The following ZEB1 variants were observed in gnomAD, a reference collection of about 807,000 sequenced individuals.
ZEB1 encodes zinc finger E-box-binding homeobox 1.
Under a neutral mutation model 84.9 loss-of-function variants are expected in ZEB1, and 21 were observed. The observed-to-expected ratio is 0.25, with a 90% confidence interval of 0.18 to 0.36. The LOEUF (loss-of-function observed/expected upper bound fraction) is 0.36. ZEB1 is among the 10% of genes least tolerant of loss of function. The pLI is 1.00. For missense variants in ZEB1, 1,104 were observed against 1,330.2 expected (o/e 0.83, Z 2.65); for synonymous variants, 420 against 471.1 (o/e 0.89, Z 1.41).
chr10:31,370,626 C>G (rs1417538612), intron 1 of ZEB1, among the ~76,000 whole-genome samples: 1 of 152,132 alleles, frequency 6.6e-6, no homozygotes, highest in Non-Finnish European at 1.5e-5. Context: ...TGACTTTTTG[C>G]AATTTCCGGA....
rs565466253 is a variant in ZEB1 at position 31,521,729 on chromosome 10, C to A, written c.2397C>A (p.Asn799Lys). The A allele has an allele frequency of 6.2e-7, 1 of 1,614,140 alleles. No individual in the cohort carries two copies. Among genetic ancestry groups the A allele is most frequent in the East Asian group, 2.2e-5 (1 of 44,864 alleles). Residue 799 changes from asparagine to lysine, a missense_variant, in exon 7 of 9, where the codon AAC (asparagine) becomes AAA (lysine). This residue lies in a region of ZEB1 where 531 missense variants were observed against 575.2 expected (regional missense o/e 0.92). Coordinates refer to ENST00000424869, the MANE Select transcript of ZEB1 (RefSeq NM_001174096.2). ...TAAATGTAATCCCACCAAGTGCCAA[C>A]CCCATAAATATCGCTATACCTACAG... is the stretch of plus-strand genomic sequence containing the variant. ...PVVNVIPPSA[N>K]PINIAIPTVT...
In ZEB1 at chr10:31,446,678, G is replaced by T. The variant is rs887663633; in HGVS notation, c.59-14359G>T. Among the ~76,000 whole-genome samples the T allele has an allele frequency of 1.5e-4, 23 of 152,214 alleles. 1 individual carries two copies. Among genetic ancestry groups the T allele is most frequent in the Admixed American group, 1.5e-3 (23 of 15,286 alleles). On this transcript the variant is annotated intron_variant, in intron 1 of 8. Coordinates refer to ENST00000424869, the MANE Select transcript of ZEB1 (RefSeq NM_001174096.2). ...CCTTCATTTCGTTAGGTACCCAGTAGTCATTCAGGAGCAGGTTGTTCAGTT... is the reference window on the plus strand; with the variant it reads ...CCTTCATTTCGTTAGGTACCCAGTATTCATTCAGGAGCAGGTTGTTCAGTT...
intron 2 of ZEB1, among the ~76,000 whole-genome samples, chr10:31,480,349 A>G (rs865865849): frequency 1.1e-4 from 16 of 152,072 alleles, no homozygotes; most frequent in Admixed American, 6.6e-4. Flanking sequence ...TAATACATGT[A>G]AAGAATGTAT....
At chr10:31,422,112 G>T (rs1341978395) in intron 1 of ZEB1, among the ~76,000 whole-genome samples, 2 of 152,096 alleles carry the variant, frequency 1.3e-5, no homozygotes, top group Non-Finnish European at 2.9e-5. Flanking sequence ...CCACTGACCA[G>T]CATGTATTAA....
At chr10:31,454,087 A>G (rs1387229966) in intron 1 of ZEB1, among the ~76,000 whole-genome samples, 1 of 152,244 alleles carries the variant, frequency 6.6e-6, no homozygotes, top group East Asian at 1.9e-4. Context: ...CATACCTGGG[A>G]TGCAAGGCTG....
rs780092874 is a variant in ZEB1, at chr10:31,521,274, C to T, written c.1942C>T (p.Pro648Ser). The T allele has an allele frequency of 6.2e-7, 1 of 1,614,028 alleles. No homozygotes were observed. Among genetic ancestry groups the T allele is most frequent in the Non-Finnish European group, 8.5e-7 (1 of 1,179,990 alleles). Residue 648 changes from proline (P) to serine (S), a missense_variant, in exon 7 of 9, where the codon CCT becomes TCT. Pro to Ser is a moderately conservative substitution (Grantham distance 74). Transcript: ENST00000424869. ...ISVQSSEPSS[P>S]EPGKVNIPAK... is the part of the protein sequence containing the mutation. ...AGTGCAGTCTTCTGAACCATCTTCT[C>T]CTGAACCAGGCAAAGTAAATATCCC...
intron 1 of ZEB1, among the ~76,000 whole-genome samples, chr10:31,408,983 T>C (rs1304626842): frequency 1.2e-4 from 18 of 151,310 alleles, no homozygotes; most frequent in African/African-American, 3.6e-4. Context: ...AGAAAATTTT[T>C]GCAACCTACT....
intron 1 of ZEB1, among the ~76,000 whole-genome samples, chr10:31,455,426 C>A (rs1341201214): frequency 6.6e-6 from 1 of 152,138 alleles, no homozygotes; most frequent in Non-Finnish European, 1.5e-5. Context: ...TCTAATTAAA[C>A]TAAAGAGCTT....
chr10:31,402,370 C>T (rs558903176), intron 1 of ZEB1, among the ~76,000 whole-genome samples: 104 of 151,460 alleles, frequency 6.9e-4, no homozygotes, highest in African/African-American at 2.2e-3. Flanking sequence ...TAAAGAATAG[C>T]GATCCTAGAA....
At chr10:31,518,459 G>A (rs2071608467) in intron 6 of ZEB1, among the ~76,000 whole-genome samples, 1 of 152,146 alleles carries the variant, frequency 6.6e-6, no homozygotes, top group African/African-American at 2.4e-5. Context: ...TAGGGAAATA[G>A]GCATCATAGC....
intron 1 of ZEB1, among the ~76,000 whole-genome samples, chr10:31,442,600 G>A (rs1047802874): frequency 6.6e-6 from 1 of 151,628 alleles, no homozygotes; most frequent in Non-Finnish European, 1.5e-5. Context: ...GAGCTATCAA[G>A]TAGATAATTT....
chr10:31,402,138 T>C (rs1453386850), intron 1 of ZEB1, among the ~76,000 whole-genome samples: 8 of 151,658 alleles, frequency 5.3e-5, no homozygotes, highest in Admixed American at 4.6e-4. Context: ...TTGTTGTTGT[T>C]AACAGGAAAG....
At chr10:31,468,934 G>A (rs2062795666) in intron 2 of ZEB1, among the ~76,000 whole-genome samples, 2 of 152,154 alleles carry the variant, frequency 1.3e-5, no homozygotes, top group Admixed American at 1.3e-4. Flanking sequence ...TAATGAAAAT[G>A]AAAACTTTGA....
intron 1 of ZEB1, among the ~76,000 whole-genome samples, chr10:31,388,713 CTATA>C (rs2049085617): frequency 1.3e-5 from 2 of 151,750 alleles, no homozygotes; most frequent in East Asian, 3.9e-4. Context: ...TAGAGATAAT[CTATA>C]TATACGTACA....
chr10:31,333,583 A>G (rs2037288203), intron 1 of ZEB1, among the ~76,000 whole-genome samples: 1 of 152,076 alleles, frequency 6.6e-6, no homozygotes, highest in East Asian at 1.9e-4. Flanking sequence ...CTTACAAACT[A>G]GTAGAGAAGG....
chr10:31,496,127 G>T (rs1274048266), intron 3 of ZEB1, among the ~76,000 whole-genome samples: 1 of 151,972 alleles, frequency 6.6e-6, no homozygotes, highest in Non-Finnish European at 1.5e-5. Flanking sequence ...ATGATGATTT[G>T]AACTTCTATC....
intron 1 of ZEB1, among the ~76,000 whole-genome samples, chr10:31,386,489 T>A (rs1564675371): frequency 6.6e-6 from 1 of 152,110 alleles, no homozygotes; most frequent in Non-Finnish European, 1.5e-5. Flanking sequence ...ATATTCTTCT[T>A]AATCATCGCA....
chr10:31,385,948 TTC>T (rs2048566921), intron 1 of ZEB1, among the ~76,000 whole-genome samples: 1 of 152,160 alleles, frequency 6.6e-6, no homozygotes, highest in South Asian at 2.1e-4. Flanking sequence ...ATGAATAATA[TTC>T]TGTTTATTAT....
At position 31,520,625 on chromosome 10, in the gene ZEB1, G is replaced by C. The variant is rs755739832; in HGVS notation, c.1293G>C (p.Glu431Asp). 1 of 1,613,950 alleles carries C rather than the reference G, an allele frequency of 6.2e-7. No homozygotes were observed. Among genetic ancestry groups the C allele is most frequent in the South Asian group, 1.1e-5 (1 of 91,074 alleles). ...GTAATGTAATAAGGCAAGTGTTGGA[G>C]AATAATCAAGCCAATCTTGCATCCA... ...VDGNVIRQVL[E>D]NNQANLASKE... The change falls in exon 7 of 9, where the codon GAG (glutamate) becomes GAC (aspartate). Residue 431 changes from glutamate to aspartate, a missense_variant. Glu to Asp is a conservative substitution (Grantham distance 45, BLOSUM62 2). Coordinates refer to ENST00000424869, the MANE Select transcript of ZEB1 (RefSeq NM_001174096.2). This position sits in a 1 kb window ranked among gnomAD's most constrained non-coding sequence, Gnocchi z 5.1.
Sources: allele counts gnomAD v4.1 joint callset (sites outside exome capture counted in the v4.1 genomes callset), GRCh38; gene constraint gnomAD v4.1.1; regional missense constraint gnomAD v4.1.1; non-coding constraint Gnocchi (gnomAD v3.1); transcripts MANE v1.5; gene names NCBI Gene and HGNC (gene_info 2026-07-23, HGNC 2026-07-21).